Variants in MIPEP observed in about 807,000 individuals in gnomAD.
MIPEP encodes the protein mitochondrial intermediate peptidase.
In MIPEP, 79 loss-of-function variants were observed where a neutral mutation model predicts 90.3. The ratio of observed to expected loss-of-function variants is 0.87; its 90% CI spans 0.73 to 1.05. The LOEUF is 1.05. Among genes scored for constraint, MIPEP ranks in the 50% least tolerant of loss-of-function variants. The probability of loss-of-function intolerance (pLI) is 0.00; values close to 1 mark genes in which losing one functional copy is unlikely to be tolerated. For synonymous variants in MIPEP, 334 were observed against 315.8 expected (o/e 1.06, Z -0.61); for missense variants, 940 against 905.6 (o/e 1.04, Z -0.49).
rs1362648525 is a variant in MIPEP at position 23,806,086 on chromosome 13, A to C, written c.1729-17T>G. 6.2e-7 allele frequency: 1 copy of C among 1,613,384 alleles called. No individual in the cohort carries two copies. Among genetic ancestry groups the C allele is most frequent in the Admixed American group, 1.7e-5 (1 of 59,940 alleles). Reference sequence around the variant, plus strand: ...ATAAAAGACCTAGATAGATAAAAACATCTACTTAGTTTTGGTCGTCCATCC... The same window carrying C: ...ATAAAAGACCTAGATAGATAAAAACCTCTACTTAGTTTTGGTCGTCCATCC... On this transcript the variant is annotated splice_polypyrimidine_tract_variant and intron_variant, in intron 15 of 18. Transcript: ENST00000382172.
chr13:23,865,265 A>G (rs148711419), intron 7 of MIPEP, among the ~76,000 whole-genome samples: 2,292 of 152,306 alleles, frequency 0.015, 58 homozygotes, highest in African/African-American at 0.051. Context: ...TGTATTTTCC[A>G]GATAATCTTT....
intron 13 of MIPEP, among the ~76,000 whole-genome samples, chr13:23,837,067 T>C (rs1175521397): frequency 3.9e-5 from 6 of 152,316 alleles, no homozygotes; most frequent in Admixed American, 2.6e-4. Flanking sequence ...TATAGCCACA[T>C]AGCAGCATAA....
In MIPEP at chr13:23,803,629, C is replaced by T. The variant is rs186553789; in HGVS notation, c.1848+2321G>A. ...GAGTCTATTAATTTGCTGAGTCTGC[C>T]GTTGGGCTCTTGCTCCTGTTTCACT... is the stretch of plus-strand genomic sequence containing the variant. On this transcript the variant is annotated intron_variant, in intron 16 of 18. Coordinates refer to ENST00000382172, the MANE Select transcript of MIPEP (RefSeq NM_005932.4). Among the ~76,000 whole-genome samples the T allele has an allele frequency of 1.0e-3, 159 of 152,218 alleles. 1 individual carries two copies. The highest frequency in any genetic ancestry group is 3.7e-3 in the African/African-American group (154 of 41,538).
chr13:23,808,129 C>T (rs770836923), intron 15 of MIPEP, among the ~76,000 whole-genome samples: 40 of 150,274 alleles, frequency 2.7e-4, no homozygotes, highest in Middle Eastern at 3.4e-3. Flanking sequence ...GACAGAGTCT[C>T]GCCCTGTCGC....
intron 17 of MIPEP, among the ~76,000 whole-genome samples, chr13:23,758,027 C>G (rs2138513370): frequency 6.6e-6 from 1 of 152,268 alleles, no homozygotes; most frequent in South Asian, 2.1e-4. Flanking sequence ...TTTTTGATAG[C>G]ATTACAGTAT....
At chr13:23,776,180 C>T (rs2138539769) in intron 16 of MIPEP, among the ~76,000 whole-genome samples, 1 of 152,252 alleles carries the variant, frequency 6.6e-6, no homozygotes, top group East Asian at 1.9e-4. Flanking sequence ...CTTCAAACCT[C>T]TAAGGCCTCC....
At chr13:23,824,364 T>A (rs1264680726) in intron 14 of MIPEP, among the ~76,000 whole-genome samples, 2 of 152,238 alleles carry the variant, frequency 1.3e-5, no homozygotes, top group Admixed American at 1.3e-4. Context: ...AAGCTGCATA[T>A]ATATTAACAG....
chr13:23,806,195 A>G, intron 15 of MIPEP, 126 bp from the exon 16 acceptor site: 3 of 929,896 alleles, frequency 3.2e-6, no homozygotes, highest in East Asian at 2.4e-5. Flanking sequence ...AGTCACAAAA[A>G]TAAACTTACA....
chr13:23,776,463 G>C (rs905051647), intron 16 of MIPEP, among the ~76,000 whole-genome samples: 2 of 152,156 alleles, frequency 1.3e-5, no homozygotes, highest in African/African-American at 4.8e-5. Flanking sequence ...CTGACTCCAC[G>C]AGGCAAAATT....
chr13:23,840,282 C>T (rs1476175093), intron 11 of MIPEP, among the ~76,000 whole-genome samples: 2 of 152,128 alleles, frequency 1.3e-5, no homozygotes, highest in Non-Finnish European at 2.9e-5. Context: ...CAAAGAGAAC[C>T]CCGATTTTGT....
chr13:23,797,479 A>G (rs1376118344), intron 16 of MIPEP, among the ~76,000 whole-genome samples: 2 of 152,126 alleles, frequency 1.3e-5, no homozygotes, highest in African/African-American at 4.8e-5. Flanking sequence ...CAGATGGCTC[A>G]TTTTATTAAA....
intron 10 of MIPEP, among the ~76,000 whole-genome samples, chr13:23,850,927 G>C (rs181962368): frequency 1.3e-5 from 2 of 152,368 alleles, no homozygotes; most frequent in East Asian, 3.9e-4. Context: ...CTGGAACAGG[G>C]AGGAATGAAA....
At chr13:23,771,620 T>G (rs1289053583) in intron 16 of MIPEP, among the ~76,000 whole-genome samples, 1 of 151,868 alleles carries the variant, frequency 6.6e-6, no homozygotes, top group African/African-American at 2.4e-5. Flanking sequence ...TGCTATTAGC[T>G]TCTCATAAGC....
chr13:23,837,808 G>T, intron 12 of MIPEP, 52 bp from the exon 13 acceptor site: 1 of 1,387,180 alleles, frequency 7.2e-7, no homozygotes, highest in South Asian at 1.2e-5. Flanking sequence ...GTAATGTGAA[G>T]AGTAAAACAG....
intron 16 of MIPEP, among the ~76,000 whole-genome samples, chr13:23,781,963 T>TA (rs1952787529): frequency 6.6e-6 from 1 of 151,712 alleles, no homozygotes; most frequent in Non-Finnish European, 1.5e-5. Flanking sequence ...AGCAAGTCCT[T>TA]AGAGATCTAC....
intron 16 of MIPEP, among the ~76,000 whole-genome samples, chr13:23,791,269 A>G (rs1952895447): frequency 6.6e-6 from 1 of 152,178 alleles, no homozygotes; most frequent in African/African-American, 2.4e-5. Context: ...GGAAAAGCAC[A>G]CAACCATCCC....
intron 16 of MIPEP, among the ~76,000 whole-genome samples, chr13:23,782,907 A>T (rs1952795540): frequency 6.6e-6 from 1 of 152,236 alleles, no homozygotes; most frequent in Admixed American, 6.5e-5. Context: ...CTAAACCAGG[A>T]AGAAGTTGAA....
chr13:23,742,479 T>C (rs1008650148), intron 18 of MIPEP, among the ~76,000 whole-genome samples: 22 of 152,196 alleles, frequency 1.4e-4, no homozygotes, highest in Admixed American at 5.2e-4. Flanking sequence ...CTTTGCTAGA[T>C]TGTTAATAAG....
intron 18 of MIPEP, among the ~76,000 whole-genome samples, chr13:23,749,212 C>T (rs930975110): frequency 3.3e-5 from 5 of 152,138 alleles, no homozygotes; most frequent in Non-Finnish European, 7.4e-5. Context: ...GTTTATTTAG[C>T]TTTCTTATTT....
Sources: gnomAD v4.1 joint callset for allele counts (sites outside exome capture counted in the v4.1 genomes callset) on GRCh38, gnomAD v4.1.1 for gene constraint, MANE v1.5 for transcripts, NCBI Gene and HGNC (gene_info 2026-07-23, HGNC 2026-07-21) for gene names.